The following KCNQ3 variants were observed in gnomAD, a reference collection of about 807,000 sequenced individuals.
KCNQ3 encodes the protein potassium voltage-gated channel subfamily Q member 3, also known as potassium voltage-gated channel subfamily KQT member 3.
A neutral mutation model predicts 92.5 loss-of-function variants in KCNQ3; 30 were observed. The ratio of observed to expected loss-of-function variants is 0.32; its 90% confidence interval spans 0.24 to 0.44. The LOEUF (loss-of-function observed/expected upper bound fraction) is 0.44, where lower values mean the gene tolerates loss of function less well. Among genes scored for constraint, KCNQ3 ranks in the 20% least tolerant of loss-of-function variants. KCNQ3 has a pLI of 1.00. For missense variants in KCNQ3, 913 were observed against 1,140.3 expected, an observed-to-expected ratio of 0.80 and a Z score of 2.87; for synonymous variants, 450 against 468.8, an observed-to-expected ratio of 0.96 and a Z score of 0.52.
At position 132,256,619 on chromosome 8, in the gene KCNQ3, A is replaced by C. The variant is rs189500374; in HGVS notation, c.387-70438T>G. Among the ~76,000 whole-genome samples the C allele has an allele frequency of 4.9e-3, 744 of 152,324 alleles. 6 individuals are homozygous for C. Among genetic ancestry groups the C allele is most frequent in the African/African-American group, 0.017 (720 of 41,572 alleles). On this transcript the variant is annotated intron_variant, in intron 1 of 14. Coordinates refer to ENST00000388996, the MANE Select transcript of KCNQ3 (RefSeq NM_004519.4). ...AGCAGCAAGAGAGAAACAACTAATC[A>C]TATATAAGTGGTCCTCAATAAGATT...
intron 1 of KCNQ3, among the ~76,000 whole-genome samples, chr8:132,406,586 C>T (rs1047927339): frequency 6.1e-4 from 93 of 152,048 alleles, no homozygotes; most frequent in African/African-American, 2.2e-3. Flanking sequence ...CAGAAAGACA[C>T]AGGCACACAC....
chr8:132,268,514 C>G (rs1480102525), intron 1 of KCNQ3, among the ~76,000 whole-genome samples: 2 of 152,196 alleles, frequency 1.3e-5, no homozygotes, highest in African/African-American at 4.8e-5. Context: ...CTGCCTCGGT[C>G]TCCCAAAGTG....
intron 1 of KCNQ3, among the ~76,000 whole-genome samples, chr8:132,404,220 C>T (rs1586990597): frequency 6.6e-6 from 1 of 152,148 alleles, no homozygotes; most frequent in East Asian, 1.9e-4. Flanking sequence ...GCATCACCTA[C>T]CAAAAGCTCC....
chr8:132,124,077 T>C lies in KCNQ3; in HGVS notation c.*5185A>G, dbSNP rs1303715292. 1.3e-5 allele frequency: 2 copies of C among 152,202 alleles called. No homozygotes were observed. Among genetic ancestry groups the C allele is most frequent in the African/African-American group, 2.4e-5 (1 of 41,448 alleles). 9.4% of individuals were successfully genotyped at this position (152,202 alleles called of 1,614,324 possible). A position where few individuals can be genotyped will look rare whatever the true frequency, so the allele number is the denominator to read the frequency against. ...AGATGGTGCAACATCTGGTACTATA[T>C]GTCCAATGGAATTGCCACAACTCAG... On this transcript the variant is annotated 3_prime_UTR_variant, in exon 15 of 15. Coordinates refer to ENST00000388996, the MANE Select transcript of KCNQ3 (RefSeq NM_004519.4).
At chr8:132,460,943 G>C (rs543437821) in intron 1 of KCNQ3, among the ~76,000 whole-genome samples, 6 of 152,200 alleles carry the variant, frequency 3.9e-5, no homozygotes, top group Non-Finnish European at 8.8e-5. Context: ...TGTCACTAAA[G>C]TTTTGCTTTC....
intron 1 of KCNQ3, among the ~76,000 whole-genome samples, chr8:132,288,807 T>C (rs982798047): frequency 3.3e-5 from 5 of 152,176 alleles, no homozygotes; most frequent in African/African-American, 1.2e-4. Flanking sequence ...CCTGACCCAC[T>C]CTTCCACTGG....
At chr8:132,462,923 T>C (rs1404603210) in intron 1 of KCNQ3, among the ~76,000 whole-genome samples, 1 of 152,194 alleles carries the variant, frequency 6.6e-6, no homozygotes, top group East Asian at 1.9e-4. Flanking sequence ...TCCTTCCCTC[T>C]TTCTGTCTCT....
chr8:132,243,876 C>T (rs1286563535), intron 1 of KCNQ3, among the ~76,000 whole-genome samples: 1 of 152,186 alleles, frequency 6.6e-6, no homozygotes, highest in Non-Finnish European at 1.5e-5. Flanking sequence ...AATATATTGA[C>T]TTCATGCTCT....
chr8:132,258,290 A>T (rs1815659722), intron 1 of KCNQ3, among the ~76,000 whole-genome samples: 1 of 152,222 alleles, frequency 6.6e-6, no homozygotes, highest in South Asian at 2.1e-4. Context: ...AAGTGAAAAT[A>T]ATTGAAATAA....
Position 132,480,679 on chromosome 8 carries a change from C to CA in KCNQ3, c.-148dup, listed in dbSNP as rs1563926206. On this transcript the variant is annotated 5_prime_UTR_variant, in exon 1 of 15. Transcript: ENST00000388996. ...CCGCGCGCCCCTCCCCACCCCCCCC[C>CA]AAAAGCAGGCAAAGGCGGGCCCCCT... 3.4e-5 allele frequency: 29 copies of CA among 864,972 alleles called. No individual in the cohort carries two copies. Among genetic ancestry groups the CA allele is most frequent in the South Asian group, 4.3e-5 (1 of 23,418 alleles). 53.6% of individuals were successfully genotyped at this position (864,972 alleles called of 1,614,324 possible).
intron 1 of KCNQ3, among the ~76,000 whole-genome samples, chr8:132,239,147 G>T (rs1210197813): frequency 1.3e-5 from 2 of 152,134 alleles, no homozygotes; most frequent in Non-Finnish European, 2.9e-5. Flanking sequence ...CTGTAATTAA[G>T]CCCAACTCTG....
intron 1 of KCNQ3, among the ~76,000 whole-genome samples, chr8:132,388,735 C>A (rs535091759): frequency 6.6e-6 from 1 of 152,262 alleles, no homozygotes; most frequent in South Asian, 2.1e-4. Flanking sequence ...ATAAAATAGA[C>A]AAGATGCTTC....
At chr8:132,275,793 G>T (rs1360014293) in intron 1 of KCNQ3, among the ~76,000 whole-genome samples, 5 of 152,078 alleles carry the variant, frequency 3.3e-5, no homozygotes, top group Admixed American at 3.3e-4. Context: ...TAGCCAGGAT[G>T]GTCTCGATTT....
intron 1 of KCNQ3, among the ~76,000 whole-genome samples, chr8:132,353,652 A>G (rs1452111801): frequency 6.6e-6 from 1 of 152,104 alleles, no homozygotes; most frequent in East Asian, 1.9e-4. Flanking sequence ...TGTCTCTACT[A>G]AAAATACAAA....
intron 4 of KCNQ3, among the ~76,000 whole-genome samples, chr8:132,177,529 C>T (rs1826603796): frequency 6.6e-6 from 1 of 152,174 alleles, no homozygotes; most frequent in African/African-American, 2.4e-5. Flanking sequence ...CTCAAGTCCT[C>T]ATAATTCAAG....
chr8:132,385,126 C>G (rs1819857036), intron 1 of KCNQ3, among the ~76,000 whole-genome samples: 1 of 152,132 alleles, frequency 6.6e-6, no homozygotes, highest in African/African-American at 2.4e-5. Flanking sequence ...AATGACTCAC[C>G]AACACACAAG....
chr8:132,462,509 G>A (rs747530161), intron 1 of KCNQ3, among the ~76,000 whole-genome samples: 1 of 152,164 alleles, frequency 6.6e-6, no homozygotes, highest in Non-Finnish European at 1.5e-5. Flanking sequence ...ACTTTTAAAT[G>A]GTAAGTTTTT....
chr8:132,230,463 G>C (rs1022099312), intron 1 of KCNQ3, among the ~76,000 whole-genome samples: 2 of 151,478 alleles, frequency 1.3e-5, no homozygotes, highest in Admixed American at 6.6e-5. Flanking sequence ...GAGAGAGAGA[G>C]AGAGAGAGAG....
At chr8:132,146,428 T>C (rs1424125952) in intron 9 of KCNQ3, among the ~76,000 whole-genome samples, 1 of 152,142 alleles carries the variant, frequency 6.6e-6, no homozygotes, top group Non-Finnish European at 1.5e-5. Context: ...GGATATCAAG[T>C]GTGGTCAAGC....
Sources: allele counts gnomAD v4.1 joint callset (sites outside exome capture counted in the v4.1 genomes callset), GRCh38; gene constraint gnomAD v4.1.1; transcripts MANE v1.5; gene names NCBI Gene and HGNC (gene_info 2026-07-23, HGNC 2026-07-21).